Variants in PI4KA observed in about 807,000 individuals in gnomAD.
PI4KA encodes the protein phosphatidylinositol 4-kinase alpha, also known as PI4-kinase alpha.
A neutral mutation model predicts 271.4 loss-of-function variants in PI4KA; 122 were observed. That is an observed-to-expected ratio of 0.45 (90% confidence interval 0.39 to 0.52). The LOEUF is 0.52. Ranked by LOEUF, PI4KA falls within the 20% of genes least tolerant of loss-of-function variation. PI4KA has a pLI of 0.00. For synonymous variants in PI4KA, 1,041 were observed against 1,078.8 expected (o/e 0.96, Z 0.69); for missense variants, 1,969 against 2,769.1 (o/e 0.71, Z 6.48).
At chr22:20,850,188 A>T (rs747523873) in intron 1 of PI4KA, among the ~76,000 whole-genome samples, 3 of 152,160 alleles carry the variant, frequency 2.0e-5, no homozygotes, top group Non-Finnish European at 4.4e-5. Context: ...ATCAAACCAC[A>T]AGCAACTGCC....
chr22:20,803,633 T>C (rs1334687977), intron 12 of PI4KA, among the ~76,000 whole-genome samples: 6 of 152,134 alleles, frequency 3.9e-5, no homozygotes, highest in Admixed American at 1.3e-4. Flanking sequence ...TAAGCAATCC[T>C]CCCACCTCAG....
intron 39 of PI4KA, among the ~76,000 whole-genome samples, chr22:20,728,704 T>C (rs1308377839): frequency 3.3e-5 from 5 of 152,310 alleles, no homozygotes; most frequent in Non-Finnish European, 5.9e-5. Flanking sequence ...AAAGTAGGGC[T>C]GGAGAGAGGA....
intron 12 of PI4KA, 111 bp from the exon 13 acceptor site, chr22:20,803,431 G>C: frequency 7.6e-7 from 1 of 1,322,654 alleles, no homozygotes; most frequent in Non-Finnish European, 1.1e-6. Context: ...CCAAAACTTC[G>C]AAGGTCAAAG....
At chr22:20,786,601 GA>G (rs1934250916) in intron 19 of PI4KA, among the ~76,000 whole-genome samples, 1 of 152,176 alleles carries the variant, frequency 6.6e-6, no homozygotes. Context: ...GCAGTGTGGG[GA>G]GCTGGAGCTG....
intron 23 of PI4KA, among the ~76,000 whole-genome samples, chr22:20,759,068 G>A (rs890746219): frequency 1.3e-5 from 2 of 152,190 alleles, no homozygotes; most frequent in African/African-American, 4.8e-5. Context: ...TGTTTTTTAA[G>A]AGACAGGGTC....
rs757948384 is a variant in PI4KA at position 20,803,310 on chromosome 22, C to T, written c.1472G>A (p.Arg491His). The T allele has an allele frequency of 9.3e-6, 15 of 1,613,906 alleles. No homozygotes were observed. In the Admixed American group the frequency reaches 1.7e-4, roughly 18 times the overall value. ...CACCACCGGGAACCTCTCGCACAGG[C>T]GGCCCAAACCCTGCAACACACCATC... ...LLICCLQGLG[R>H]LCERFPVVVH... is the part of the protein sequence containing the mutation. Residue 491 changes from arginine (R) to histidine (H), a missense_variant, in exon 13 of 55, where the codon CGC becomes CAC. Arg to His is a conservative substitution (Grantham distance 29). Around this residue, in one of 13 missense-constraint regions of PI4KA, gnomAD observed 228 missense variants for 261.6 expected, o/e 0.87. Transcript: ENST00000255882.
At position 20,719,884 on chromosome 22, in the gene PI4KA, G is replaced by C. The variant is rs193264579; in HGVS notation, c.5117-1062C>G. 6.6e-5 allele frequency among the ~76,000 whole-genome samples: 10 copies of C among 152,160 alleles called. No individual in the cohort carries two copies. The East Asian group carries it at 1.4e-3, about 21-fold the overall frequency. ...TACTGAAAATACAAAAAAATTAGCA[G>C]GCGTGGTGGCAGGCGCCTGTAGTCC... On this transcript the variant is annotated intron_variant, in intron 43 of 54. Coordinates refer to ENST00000255882, the MANE Select transcript of PI4KA (RefSeq NM_058004.4).
intron 7 of PI4KA, among the ~76,000 whole-genome samples, chr22:20,817,824 T>A (rs1203119475): frequency 3.6e-5 from 5 of 138,056 alleles, no homozygotes; most frequent in Non-Finnish European, 6.1e-5. Context: ...ATACTTAATG[T>A]CATTAAAAAA....
intron 23 of PI4KA, among the ~76,000 whole-genome samples, chr22:20,756,288 T>G (rs1191158021): frequency 2.0e-5 from 3 of 151,828 alleles, no homozygotes; most frequent in Non-Finnish European, 2.9e-5. Flanking sequence ...CTCAGCTCAC[T>G]GCAACCTCCG....
At position 20,833,667 on chromosome 22, in the gene PI4KA, T is replaced by G. The variant is rs550589303; in HGVS notation, c.367+895A>C. On this transcript the variant is annotated intron_variant, in intron 3 of 54. Transcript: ENST00000255882. Reference sequence around the variant, plus strand: ...TTTTGGTTTGTTTTTGTTTTTTTTTTTTTTTTTTTTTGAGACGGAGTCTCG... The same window carrying G: ...TTTTGGTTTGTTTTTGTTTTTTTTTGTTTTTTTTTTTGAGACGGAGTCTCG... Among the ~76,000 whole-genome samples, 20 of 149,030 alleles carry G rather than the reference T, an allele frequency of 1.3e-4. No homozygotes were observed. In the South Asian group the frequency reaches 3.0e-3, roughly 22 times the overall value.
chr22:20,804,521 T>C, intron 11 of PI4KA, 121 bp from the exon 12 acceptor site: 1 of 713,092 alleles, frequency 1.4e-6, no homozygotes, highest in East Asian at 2.6e-5. Flanking sequence ...AGGCAGGGCT[T>C]ATTCATACTG....
intron 42 of PI4KA, among the ~76,000 whole-genome samples, chr22:20,724,754 A>T (rs1290594425): frequency 6.6e-6 from 1 of 152,170 alleles, no homozygotes; most frequent in Admixed American, 6.6e-5. Context: ...CCAAGAGTTC[A>T]CACGGAGGCC....
intron 1 of PI4KA, among the ~76,000 whole-genome samples, chr22:20,857,103 G>C (rs1456969218): frequency 6.6e-6 from 1 of 152,154 alleles, no homozygotes; most frequent in Non-Finnish European, 1.5e-5. Context: ...CATACATTAG[G>C]TACCCACGTG....
chr22:20,798,380 G>C lies in PI4KA; in HGVS notation c.2108+204C>G, dbSNP rs1935102026. The C allele has an allele frequency of 9.1e-6, 5 of 552,362 alleles. No individual in the cohort carries two copies. In the South Asian group the frequency reaches 1.0e-4, roughly 11 times the overall value. 34.2% of individuals were successfully genotyped at this position (552,362 alleles called of 1,614,324 possible). On this transcript the variant is annotated intron_variant, in intron 17 of 54. Transcript: ENST00000255882. ...AATCAGAAGGAGAGAAAGGAGCTGA[G>C]ACCTCGTGCGCTGAGATGCTCAGTG...
intron 20 of PI4KA, 77 bp downstream of exon 20, chr22:20,765,508 T>A: frequency 1.0e-6 from 1 of 972,102 alleles, no homozygotes; most frequent in Admixed American, 1.9e-5. Context: ...CTCACATTCA[T>A]AATTACGTGG....
intron 29 of PI4KA, among the ~76,000 whole-genome samples, chr22:20,745,295 C>G (rs908527636): frequency 3.9e-5 from 6 of 152,198 alleles, no homozygotes; most frequent in Non-Finnish European, 8.8e-5. Context: ...CTCCCAGCCC[C>G]AGGGCCTCAG....
At chr22:20,816,454 T>C (rs1444643542) in intron 7 of PI4KA, among the ~76,000 whole-genome samples, 1 of 152,072 alleles carries the variant, frequency 6.6e-6, no homozygotes, top group African/African-American at 2.4e-5. Flanking sequence ...AAAACTAAAT[T>C]CTTACAGCAG....
Position 20,710,765 on chromosome 22 carries a change from C to T in PI4KA, c.6017G>A (p.Gly2006Asp), listed in dbSNP as rs760309894. Residue 2006 changes from glycine to aspartate, a missense_variant, in exon 52 of 55, where the codon GGC becomes GAC. Physicochemically the swap from Gly to Asp is moderately conservative, Grantham distance 94. Transcript: ENST00000255882. ...LTDEMVMIMG[G>D]KMEATPFKWF... ...CTTGAAGGGTGTGGCCTCCATCTTG[C>T]CCCCCATGATCATCACCATCTCATC... is the stretch of plus-strand genomic sequence containing the variant. 2.5e-6 allele frequency: 4 copies of T among 1,613,770 alleles called. No individual in the cohort carries two copies. In the African/African-American group the frequency reaches 4.0e-5, roughly 16 times the overall value.
chr22:20,754,793 C>G (rs2147344272), intron 23 of PI4KA, among the ~76,000 whole-genome samples: 1 of 152,122 alleles, frequency 6.6e-6, no homozygotes, highest in African/African-American at 2.4e-5. Context: ...ACTAAAAATA[C>G]AAAAATTAGC....
Sources: allele counts gnomAD v4.1 joint callset (sites outside exome capture counted in the v4.1 genomes callset), GRCh38; gene constraint gnomAD v4.1.1; regional missense constraint gnomAD v4.1.1; transcripts MANE v1.5; gene names NCBI Gene and HGNC (gene_info 2026-07-23, HGNC 2026-07-21).